MAD1L1: variants seen among roughly 807,000 people sequenced by gnomAD.
MAD1L1 encodes mitotic arrest deficient 1 like 1, also known as mitotic spindle assembly checkpoint protein MAD1.
MAD1L1 carries 95 observed loss-of-function variants against 96.9 expected under a neutral mutation model. The ratio of observed to expected loss-of-function variants is 0.98; its 90% CI spans 0.83 to 1.16. The LOEUF (loss-of-function observed/expected upper bound fraction) is 1.16, where lower values mean the gene tolerates loss of function less well. Among genes scored for constraint, MAD1L1 ranks in the 50% most tolerant of loss-of-function variants. The pLI, the probability that MAD1L1 is intolerant of heterozygous loss-of-function variation, is 0.00. For synonymous variants in MAD1L1, 473 were observed against 396.6 expected (o/e 1.19, Z -2.29); for missense variants, 1,007 against 954.4 (o/e 1.06, Z -0.73).
At chr7:2,069,460 C>T (rs1785026547) in intron 11 of MAD1L1, 122 bp from the exon 12 acceptor site, 1 of 931,406 alleles carries the variant, frequency 1.1e-6, no homozygotes, top group Non-Finnish European at 1.5e-6. Flanking sequence ...CGTGCAACCC[C>T]CTCACTGCCA....
chr7:1,944,371 G>A (rs369363933), intron 16 of MAD1L1, among the ~76,000 whole-genome samples: 7 of 152,292 alleles, frequency 4.6e-5, no homozygotes, highest in South Asian at 4.2e-4. Context: ...AATGTGCGTC[G>A]CATTTCAATA....
At chr7:2,097,062 C>G (rs923238959) in intron 11 of MAD1L1, among the ~76,000 whole-genome samples, 1 of 152,184 alleles carries the variant, frequency 6.6e-6, no homozygotes. Flanking sequence ...ATCCCCCACA[C>G]CAGCTGCAAG....
In MAD1L1 at chr7:2,088,145, G is replaced by A. The variant is rs186788218; in HGVS notation, c.1074-18807C>T. Among the ~76,000 whole-genome samples, 217 of 152,250 alleles carry A rather than the reference G, an allele frequency of 1.4e-3. No individual in the cohort carries two copies. The highest frequency in any genetic ancestry group is 4.9e-3 in the African/African-American group (205 of 41,544). On this transcript the variant is annotated intron_variant, in intron 11 of 18. Transcript: ENST00000265854. This position sits in a 1 kb window ranked among gnomAD's most constrained non-coding sequence, Gnocchi z 4.4. ...CCCGCACAGGCTGAGTGGAAATATG[G>A]GGGCCCACGTGCATGGCCACAGAAC...
chr7:1,938,824 A>G (rs568566220), intron 16 of MAD1L1, among the ~76,000 whole-genome samples: 338 of 129,214 alleles, frequency 2.6e-3, no homozygotes, highest in African/African-American at 9.9e-3. Flanking sequence ...CACACGGGCC[A>G]GGGCCGGGGC....
chr7:1,876,188 C>G (rs60346318), intron 18 of MAD1L1, among the ~76,000 whole-genome samples: 45,392 of 152,040 alleles, frequency 0.3, 8,130 homozygotes, highest in African/African-American at 0.5. Context: ...CGTACTTATG[C>G]GGGAGGATGG....
chr7:2,188,808 A>T (rs766298251), intron 10 of MAD1L1, among the ~76,000 whole-genome samples: 1 of 152,218 alleles, frequency 6.6e-6, no homozygotes, highest in Non-Finnish European at 1.5e-5. Context: ...AGGCACAGAT[A>T]ACAGCAAAAA....
chr7:1,855,847 C>G (rs187270199), intron 18 of MAD1L1, among the ~76,000 whole-genome samples: 1 of 152,200 alleles, frequency 6.6e-6, no homozygotes, highest in South Asian at 2.1e-4. Flanking sequence ...CTGCACCCCA[C>G]TCTTGGTACC....
intron 16 of MAD1L1, among the ~76,000 whole-genome samples, chr7:1,951,711 G>A (rs1176587238): frequency 6.6e-6 from 1 of 152,158 alleles, no homozygotes; most frequent in Non-Finnish European, 1.5e-5. Context: ...GGGACTGGCC[G>A]GTTTCACCCA....
At chr7:2,001,210 G>A (rs974460867) in intron 14 of MAD1L1, among the ~76,000 whole-genome samples, 8 of 152,360 alleles carry the variant, frequency 5.3e-5, no homozygotes, top group Middle Eastern at 3.4e-3. Context: ...CCTGGGGTCC[G>A]TACAACGCCG....
intron 11 of MAD1L1, among the ~76,000 whole-genome samples, chr7:2,071,765 A>G (rs1785141235): frequency 6.6e-6 from 1 of 151,990 alleles, no homozygotes; most frequent in African/African-American, 2.4e-5. Flanking sequence ...CTGTTCCTGG[A>G]GGGTGGTGGC....
intron 11 of MAD1L1, among the ~76,000 whole-genome samples, chr7:2,120,183 C>A (rs1003210331): frequency 6.6e-6 from 1 of 152,228 alleles, no homozygotes; most frequent in Non-Finnish European, 1.5e-5. Context: ...CTTTGCCCAA[C>A]ACAGTCTCCC....
In MAD1L1 at chr7:2,174,871, C is replaced by A. The variant is rs1790872986; in HGVS notation, c.987-25633G>T. Reference sequence around the variant, plus strand: ...TGTTTTTCTGTTTGCTTGGTCTATACCTTTTACATCAGAGACTCCTTCAGA... The same window carrying A: ...TGTTTTTCTGTTTGCTTGGTCTATAACTTTTACATCAGAGACTCCTTCAGA... On this transcript the variant is annotated intron_variant, in intron 10 of 18. Transcript: ENST00000265854. Among the ~76,000 whole-genome samples the A allele has an allele frequency of 2.6e-5, 4 of 152,182 alleles. No individual in the cohort carries two copies. In the South Asian group the frequency reaches 8.3e-4, roughly 32 times the overall value.
At position 1,862,250 on chromosome 7, in the gene MAD1L1, C is replaced by T. The variant is rs368394019; in HGVS notation, c.1998+35950G>A. Among the ~76,000 whole-genome samples, 56 of 152,336 alleles carry T rather than the reference C, an allele frequency of 3.7e-4. No individual in the cohort carries two copies. The South Asian group carries it at 9.9e-3, about 27-fold the overall frequency. On this transcript the variant is annotated intron_variant, in intron 18 of 18. Coordinates refer to ENST00000265854, the MANE Select transcript of MAD1L1 (RefSeq NM_001013836.2). Reference sequence around the variant, plus strand: ...CCGAGCAGCACCCCGGGCCTCTGCCCACCAGAGGCCAACAGCCTGGCCCCA... The same window carrying T: ...CCGAGCAGCACCCCGGGCCTCTGCCTACCAGAGGCCAACAGCCTGGCCCCA...
chr7:1,909,860 G>T (rs1203830237), intron 17 of MAD1L1, among the ~76,000 whole-genome samples: 1 of 152,172 alleles, frequency 6.6e-6, no homozygotes, highest in Non-Finnish European at 1.5e-5. Flanking sequence ...GGCAGAAACT[G>T]CACACTCTGC....
intron 12 of MAD1L1, among the ~76,000 whole-genome samples, chr7:2,033,597 A>C (rs1445169850): frequency 3.3e-5 from 5 of 152,280 alleles, no homozygotes; most frequent in Non-Finnish European, 5.9e-5. Context: ...AACAATCAAC[A>C]GAAGAAACGT....
At chr7:2,177,979 T>C (rs918644686) in intron 10 of MAD1L1, among the ~76,000 whole-genome samples, 1 of 152,212 alleles carries the variant, frequency 6.6e-6, no homozygotes, top group African/African-American at 2.4e-5. Context: ...AAATTCACTT[T>C]AGGCAAGAAG....
chr7:1,976,213 G>A (rs1463196933), intron 15 of MAD1L1, among the ~76,000 whole-genome samples: 3 of 152,236 alleles, frequency 2.0e-5, no homozygotes, highest in South Asian at 2.1e-4. Flanking sequence ...TCCTGTGTCC[G>A]AGATTGGTGG....
At chr7:1,950,607 C>T (rs1390762663) in intron 16 of MAD1L1, among the ~76,000 whole-genome samples, 9 of 152,232 alleles carry the variant, frequency 5.9e-5, no homozygotes, top group Admixed American at 4.6e-4. Context: ...GAGCGCCAGT[C>T]GACCCCACAC....
intron 18 of MAD1L1, among the ~76,000 whole-genome samples, chr7:1,871,206 ACCGT>A (rs1785069131): frequency 2.1e-5 from 3 of 141,244 alleles, no homozygotes; most frequent in Non-Finnish European, 4.6e-5. Context: ...TGCTGAACCC[ACCGT>A]AACACCTGCC....
Sources: gnomAD v4.1 joint callset for allele counts (sites outside exome capture counted in the v4.1 genomes callset) on GRCh38, gnomAD v4.1.1 for gene constraint, Gnocchi (gnomAD v3.1) non-coding constraint, MANE v1.5 for transcripts, NCBI Gene and HGNC (gene_info 2026-07-23, HGNC 2026-07-21) for gene names.